Variants in EPSTI1 observed in about 807,000 individuals in gnomAD.
The protein encoded by EPSTI1 is epithelial stromal interaction 1.
A neutral mutation model predicts 49.9 loss-of-function variants in EPSTI1; 66 were observed. That is an observed-to-expected ratio of 1.32 (90% CI 1.08 to 1.62). EPSTI1 has a LOEUF of 1.62. Ranked by LOEUF, EPSTI1 falls within the 40% of genes most tolerant of loss-of-function variation. The probability of loss-of-function intolerance (pLI) is 0.00; values close to 1 mark genes in which losing one functional copy is unlikely to be tolerated. For synonymous variants in EPSTI1, 137 were observed against 130.7 expected (o/e 1.05, Z -0.33); for missense variants, 394 against 365.5 (o/e 1.08, Z -0.64).
chr13:42,929,407 G>A (rs2038289232), intron 6 of EPSTI1, among the ~76,000 whole-genome samples: 1 of 152,122 alleles, frequency 6.6e-6, no homozygotes, highest in Non-Finnish European at 1.5e-5. Context: ...ACATTCTGAT[G>A]GCACTCAATC....
Position 42,917,638 on chromosome 13 carries a change from AAGAG to A in EPSTI1, c.658-18_658-15del. The A allele has an allele frequency of 1.0e-6, 1 of 990,230 alleles. No individual in the cohort carries two copies. The highest frequency in any genetic ancestry group is 1.5e-6 in the Non-Finnish European group (1 of 680,188). The allele number at this position is 990,230 out of a possible 1,614,324, so 61.3% of individuals were successfully genotyped here. On this transcript the variant is annotated splice_polypyrimidine_tract_variant and intron_variant, in intron 7 of 10. Coordinates refer to ENST00000313624, the MANE Select transcript of EPSTI1 (RefSeq NM_033255.5). ...CCAGCTTCTGGCCTGTAAAGGTACA[AAGAG>A]AAAAAAAAAAAAAAAAACAACTTGA... is the stretch of plus-strand genomic sequence containing the variant.
chr13:42,978,629 T>C (rs1340950044), intron 1 of EPSTI1, among the ~76,000 whole-genome samples: 5 of 152,218 alleles, frequency 3.3e-5, no homozygotes, highest in African/African-American at 7.2e-5. Flanking sequence ...ACAAATATTC[T>C]ATTATAGTTT....
At chr13:42,982,199 A>G (rs1323859808) in intron 1 of EPSTI1, among the ~76,000 whole-genome samples, 2 of 152,184 alleles carry the variant, frequency 1.3e-5, no homozygotes, top group Non-Finnish European at 2.9e-5. Context: ...GAAGCCAGCT[A>G]AAACCCACCA....
At chr13:42,919,263 A>G in intron 7 of EPSTI1, 2 of 1,609,148 alleles carry the variant, frequency 1.2e-6, no homozygotes, top group Non-Finnish European at 1.7e-6. Flanking sequence ...CAAACTTATG[A>G]AAAGTTCAGT....
chr13:42,907,826 C>T (rs562540831), intron 8 of EPSTI1, among the ~76,000 whole-genome samples: 33 of 152,252 alleles, frequency 2.2e-4, no homozygotes, highest in African/African-American at 7.0e-4. Flanking sequence ...TTTTAGCATT[C>T]GGGAACATTA....
intron 6 of EPSTI1, among the ~76,000 whole-genome samples, chr13:42,932,390 TCAC>T (rs2038406263): frequency 6.6e-6 from 1 of 152,162 alleles, no homozygotes; most frequent in Non-Finnish European, 1.5e-5. Flanking sequence ...TTTATCTCGG[TCAC>T]CACCGAGTGT....
At chr13:42,931,672 T>C (rs1056874102) in intron 6 of EPSTI1, among the ~76,000 whole-genome samples, 1 of 152,224 alleles carries the variant, frequency 6.6e-6, no homozygotes, top group African/African-American at 2.4e-5. Flanking sequence ...CAGACTTTTT[T>C]CTTTAAGTGG....
At chr13:42,989,033 T>A (rs1025670165) in intron 1 of EPSTI1, among the ~76,000 whole-genome samples, 1 of 2,938 alleles carries the variant, frequency 3.4e-4, no homozygotes. Context: ...ATAATTTAAA[T>A]TTTTTTTTTT....
At chr13:42,961,506 T>C (rs2039448953) in intron 5 of EPSTI1, among the ~76,000 whole-genome samples, 1 of 152,210 alleles carries the variant, frequency 6.6e-6, no homozygotes, top group African/African-American at 2.4e-5. Flanking sequence ...CAGTGCTGTC[T>C]CCAAATTTCC....
chr13:42,908,008 A>G (rs2037547300), intron 8 of EPSTI1, among the ~76,000 whole-genome samples: 1 of 152,232 alleles, frequency 6.6e-6, no homozygotes, highest in Non-Finnish European at 1.5e-5. Flanking sequence ...CAGTCTCCTC[A>G]ATAAACAGTA....
intron 6 of EPSTI1, among the ~76,000 whole-genome samples, chr13:42,952,260 GCTCTCCACAATAAATCTTGC>G (rs2039121604): frequency 6.6e-6 from 1 of 152,140 alleles, no homozygotes; most frequent in African/African-American, 2.4e-5. Flanking sequence ...TTGTTCTTTC[GCTCTCCACAATAAATCTTGC>G]TGCTGCTCAC....
At chr13:42,946,818 G>A (rs1393521912) in intron 6 of EPSTI1, among the ~76,000 whole-genome samples, 1 of 152,180 alleles carries the variant, frequency 6.6e-6, no homozygotes, top group Non-Finnish European at 1.5e-5. Flanking sequence ...TCTCATAGGA[G>A]AACAAACCCT....
chr13:42,897,186 C>T (rs541000366), intron 9 of EPSTI1, among the ~76,000 whole-genome samples: 1 of 152,286 alleles, frequency 6.6e-6, no homozygotes, highest in Admixed American at 6.5e-5. Context: ...TGCTCTTCCC[C>T]TCTTCGTAGG....
chr13:42,992,236 C>G lies in EPSTI1; in HGVS notation c.-71G>C, dbSNP rs2040212110. 2 of 1,450,528 alleles carry G rather than the reference C, an allele frequency of 1.4e-6. No individual in the cohort carries two copies. Among genetic ancestry groups the G allele is most frequent in the South Asian group, 1.4e-5 (1 of 69,658 alleles). 89.9% of individuals were successfully genotyped at this position (1,450,528 alleles called of 1,614,324 possible). A position where few individuals can be genotyped will look rare whatever the true frequency, so the allele number is the denominator to read the frequency against. On this transcript the variant is annotated 5_prime_UTR_variant, in exon 1 of 11. Coordinates refer to ENST00000313624, the MANE Select transcript of EPSTI1 (RefSeq NM_033255.5). ...TGCGGCTGGGACGCTTAGCGAGTCT[C>G]AAGATGGGATTCCAAAGTGCAGAGG...
chr13:42,912,459 C>T (rs535709009), intron 8 of EPSTI1, among the ~76,000 whole-genome samples: 2 of 152,216 alleles, frequency 1.3e-5, no homozygotes, highest in East Asian at 1.9e-4. Flanking sequence ...TAAGAGAACA[C>T]GAGTCTACTC....
At chr13:42,977,021 C>T (rs2153434748) in intron 1 of EPSTI1, among the ~76,000 whole-genome samples, 1 of 152,268 alleles carries the variant, frequency 6.6e-6, no homozygotes, top group Non-Finnish European at 1.5e-5. Flanking sequence ...CATCATATAA[C>T]CACTCAACTA....
chr13:42,894,938 T>C, intron 10 of EPSTI1, 71 bp downstream of exon 10: 1 of 1,360,732 alleles, frequency 7.3e-7, no homozygotes, highest in Non-Finnish European at 1.0e-6. Context: ...GGCCAAAACA[T>C]ATATTAAAAA....
intron 3 of EPSTI1, among the ~76,000 whole-genome samples, chr13:42,965,484 C>T (rs1230274472): frequency 6.6e-6 from 1 of 152,124 alleles, no homozygotes; most frequent in Non-Finnish European, 1.5e-5. Context: ...GCAGGATCTG[C>T]AAGGAGGTAA....
intron 6 of EPSTI1, among the ~76,000 whole-genome samples, chr13:42,950,580 T>C (rs922878603): frequency 6.6e-6 from 1 of 151,548 alleles, no homozygotes; most frequent in Non-Finnish European, 1.5e-5. Context: ...CTCATGGTGG[T>C]GCCCCAGGTT....
Sources: gnomAD v4.1 joint callset for allele counts (sites outside exome capture counted in the v4.1 genomes callset) on GRCh38, gnomAD v4.1.1 for gene constraint, MANE v1.5 for transcripts, NCBI Gene and HGNC (gene_info 2026-07-23, HGNC 2026-07-21) for gene names.